The following FBXL7 variants were observed in gnomAD, a reference collection of about 807,000 sequenced individuals.
The protein encoded by FBXL7 is F-box/LRR-repeat protein 7.
In FBXL7, 12 loss-of-function variants were observed where a neutral mutation model predicts 38.3. The observed-to-expected ratio is 0.31, with a 90% CI of 0.20 to 0.51. The LOEUF is 0.51. Ranked by LOEUF, FBXL7 falls within the 20% of genes least tolerant of loss-of-function variation. FBXL7 has a pLI of 0.98. For missense variants in FBXL7, 567 were observed against 676.4 expected (o/e 0.84, Z 1.79); for synonymous variants, 297 against 300.9 (o/e 0.99, Z 0.13).
At chr5:15,535,680 G>A (rs1737564317) in intron 1 of FBXL7, among the ~76,000 whole-genome samples, 2 of 152,200 alleles carry the variant, frequency 1.3e-5, no homozygotes, top group Admixed American at 1.3e-4. Context: ...AAAATAGTAT[G>A]CTCATATGTG....
At chr5:15,523,328 G>A (rs957486641) in intron 1 of FBXL7, among the ~76,000 whole-genome samples, 1 of 152,190 alleles carries the variant, frequency 6.6e-6, no homozygotes, top group African/African-American at 2.4e-5. Flanking sequence ...GGAGGCCAAG[G>A]TGGATGGATC....
intron 1 of FBXL7, among the ~76,000 whole-genome samples, chr5:15,581,393 C>T (rs1000364568): frequency 3.9e-5 from 6 of 152,140 alleles, no homozygotes; most frequent in African/African-American, 1.4e-4. Flanking sequence ...GGCTGTGCCA[C>T]AGTCAGGCCA....
chr5:15,723,608 A>G (rs1204409720), intron 2 of FBXL7, among the ~76,000 whole-genome samples: 1 of 152,240 alleles, frequency 6.6e-6, no homozygotes, highest in Non-Finnish European at 1.5e-5. Context: ...ATACAGTCGA[A>G]GGACACAGCC....
At chr5:15,541,130 T>C (rs534295000) in intron 1 of FBXL7, among the ~76,000 whole-genome samples, 11 of 151,796 alleles carry the variant, frequency 7.2e-5, no homozygotes, top group African/African-American at 2.4e-4. Context: ...GGCTAAACTA[T>C]TTGCAAATGA....
At chr5:15,853,374 A>C (rs1739158266) in intron 2 of FBXL7, among the ~76,000 whole-genome samples, 4 of 152,070 alleles carry the variant, frequency 2.6e-5, no homozygotes, top group Admixed American at 2.6e-4. Context: ...TGGGATGAGA[A>C]AGGGGTTACT....
At chr5:15,895,246 T>A (rs565113163) in intron 2 of FBXL7, among the ~76,000 whole-genome samples, 1 of 152,142 alleles carries the variant, frequency 6.6e-6, no homozygotes, top group Non-Finnish European at 1.5e-5. Flanking sequence ...AGGGGGATTA[T>A]AGATAATCAT....
At chr5:15,913,264 T>A (rs78405131) in intron 2 of FBXL7, among the ~76,000 whole-genome samples, 45 of 85,412 alleles carry the variant, frequency 5.3e-4, no homozygotes, top group Middle Eastern at 6.7e-3. Context: ...TGTTTTTTTT[T>A]ATTAATTTTT....
intron 3 of FBXL7, among the ~76,000 whole-genome samples, chr5:15,932,656 G>T (rs1742066860): frequency 6.6e-6 from 1 of 152,082 alleles, no homozygotes; most frequent in African/African-American, 2.4e-5. Flanking sequence ...CCCTCCCATG[G>T]ACTTGCCCCT....
At chr5:15,765,906 C>G (rs1736574005) in intron 2 of FBXL7, among the ~76,000 whole-genome samples, 1 of 152,182 alleles carries the variant, frequency 6.6e-6, no homozygotes, top group South Asian at 2.1e-4. Flanking sequence ...CATCCAGCCT[C>G]TCTCACGTGA....
chr5:15,537,924 G>T (rs1737633323), intron 1 of FBXL7, among the ~76,000 whole-genome samples: 1 of 152,150 alleles, frequency 6.6e-6, no homozygotes, highest in Non-Finnish European at 1.5e-5. Flanking sequence ...AGAGAAAAGG[G>T]CCTCATTTGT....
At chr5:15,819,336 T>C (rs761500151) in intron 2 of FBXL7, among the ~76,000 whole-genome samples, 6 of 152,040 alleles carry the variant, frequency 3.9e-5, no homozygotes, top group Non-Finnish European at 8.8e-5. Flanking sequence ...CATAAAGGTC[T>C]GTAGCTGTAT....
chr5:15,531,735 G>T (rs552596288), intron 1 of FBXL7, among the ~76,000 whole-genome samples: 1 of 152,274 alleles, frequency 6.6e-6, no homozygotes, highest in Admixed American at 6.5e-5. Flanking sequence ...TACACATTCA[G>T]CTTAGTCATA....
At chr5:15,610,357 T>C (rs1367506812) in intron 1 of FBXL7, among the ~76,000 whole-genome samples, 4 of 152,210 alleles carry the variant, frequency 2.6e-5, no homozygotes, top group Admixed American at 6.5e-5. Flanking sequence ...GGTGGCTTCC[T>C]GTGCTCTTCA....
intron 1 of FBXL7, among the ~76,000 whole-genome samples, chr5:15,521,027 A>G (rs1284656812): frequency 6.6e-6 from 1 of 152,202 alleles, no homozygotes; most frequent in Non-Finnish European, 1.5e-5. Flanking sequence ...ATGAGTTACA[A>G]CAGAGAGCGT....
chr5:15,629,737 G>A (rs1740937875), intron 2 of FBXL7, among the ~76,000 whole-genome samples: 1 of 152,108 alleles, frequency 6.6e-6, no homozygotes, highest in Non-Finnish European at 1.5e-5. Flanking sequence ...GGCGGCTACT[G>A]GAGTATTTGT....
At chr5:15,878,633 T>C (rs1740313680) in intron 2 of FBXL7, among the ~76,000 whole-genome samples, 2 of 152,230 alleles carry the variant, frequency 1.3e-5, no homozygotes, top group Non-Finnish European at 2.9e-5. Context: ...CCCTTTCTAA[T>C]GGTGACCCTT....
chr5:15,785,399 ACAATATAGGACAG>A (rs2126725460), intron 2 of FBXL7, among the ~76,000 whole-genome samples: 1 of 152,128 alleles, frequency 6.6e-6, no homozygotes, highest in Non-Finnish European at 1.5e-5. Flanking sequence ...TGGACATCTC[ACAATATAGGACAG>A]GCTTTCAGCA....
At chr5:15,578,245 T>A (rs147048325) in intron 1 of FBXL7, among the ~76,000 whole-genome samples, 2 of 152,028 alleles carry the variant, frequency 1.3e-5, no homozygotes, top group East Asian at 3.9e-4. Context: ...AAGAGATGAG[T>A]GGAGAACAGT....
chr5:15,561,790 A>G (rs1239243041), intron 1 of FBXL7, among the ~76,000 whole-genome samples: 1 of 152,132 alleles, frequency 6.6e-6, no homozygotes, highest in Non-Finnish European at 1.5e-5. Flanking sequence ...TTTGATTTGC[A>G]TTTGACTGAT....
Sources: allele counts gnomAD v4.1 joint callset (sites outside exome capture counted in the v4.1 genomes callset), GRCh38; gene constraint gnomAD v4.1.1; transcripts MANE v1.5; gene names NCBI Gene and HGNC (gene_info 2026-07-23, HGNC 2026-07-21).